The following NAALADL2 variants were observed in gnomAD, a reference collection of about 807,000 sequenced individuals.
The protein encoded by NAALADL2 is N-acetylated alpha-linked acidic dipeptidase like 2.
Under a neutral mutation model 87.2 loss-of-function variants are expected in NAALADL2, and 76 were observed. That is an observed-to-expected ratio of 0.87 (90% CI 0.72 to 1.05). The LOEUF (loss-of-function observed/expected upper bound fraction) is 1.05. NAALADL2 is among the 50% of genes least tolerant of loss of function. The probability of loss-of-function intolerance (pLI) is 0.00; values close to 1 mark genes in which losing one functional copy is unlikely to be tolerated. For missense variants in NAALADL2, 1,089 were observed against 945.8 expected (o/e 1.15, Z -1.99); for synonymous variants, 354 against 331.0 (o/e 1.07, Z -0.75).
chr3:175,148,120 TAATAAA>T (rs1731040093), intron 2 of NAALADL2, among the ~76,000 whole-genome samples: 1 of 146,034 alleles, frequency 6.8e-6, no homozygotes, highest in Non-Finnish European at 1.5e-5. Context: ...ATAATAATAA[TAATAAA>T]ATAATAATAA....
At chr3:175,731,450 C>A (rs1337927609) in intron 11 of NAALADL2, among the ~76,000 whole-genome samples, 1 of 152,088 alleles carries the variant, frequency 6.6e-6, no homozygotes, top group Non-Finnish European at 1.5e-5. Flanking sequence ...CCCCATCTAC[C>A]TGTCTCTTAG....
chr3:174,569,044 C>T (rs1714619449), intron 2 of NAALADL2, among the ~76,000 whole-genome samples: 1 of 151,130 alleles, frequency 6.6e-6, no homozygotes, highest in Admixed American at 6.6e-5. Context: ...TCTCTATGGC[C>T]TAATAATGAA....
chr3:175,611,065 A>T (rs956376622), intron 10 of NAALADL2, among the ~76,000 whole-genome samples: 14 of 152,072 alleles, frequency 9.2e-5, no homozygotes, highest in Non-Finnish European at 1.2e-4. Flanking sequence ...GCAGAGCTAG[A>T]ATTTAAACCC....
intron 5 of NAALADL2, among the ~76,000 whole-genome samples, chr3:175,356,742 A>C (rs576822063): frequency 2.6e-5 from 4 of 152,224 alleles, no homozygotes; most frequent in African/African-American, 9.6e-5. Context: ...CGAAAGGAAG[A>C]CAAGACAGTA....
At chr3:175,640,641 ACT>A (rs1448732852) in intron 11 of NAALADL2, among the ~76,000 whole-genome samples, 1 of 151,336 alleles carries the variant, frequency 6.6e-6, no homozygotes, top group Non-Finnish European at 1.5e-5. Flanking sequence ...ATATAGAAAA[ACT>A]CTTTTTATTC....
At chr3:174,548,964 C>G (rs1027772795) in intron 1 of NAALADL2, among the ~76,000 whole-genome samples, 4 of 152,164 alleles carry the variant, frequency 2.6e-5, no homozygotes, top group African/African-American at 9.6e-5. Flanking sequence ...CCTCAGCCTC[C>G]CGAGTAGCTG....
chr3:175,038,250 A>G (rs1666387121), intron 1 of NAALADL2, among the ~76,000 whole-genome samples: 1 of 152,188 alleles, frequency 6.6e-6, no homozygotes, highest in South Asian at 2.1e-4. Context: ...ATAAAACACA[A>G]AATTTTAGAG....
intron 2 of NAALADL2, among the ~76,000 whole-genome samples, chr3:175,206,365 A>G (rs1354763571): frequency 6.7e-6 from 1 of 148,876 alleles, no homozygotes; most frequent in African/African-American, 2.5e-5. Flanking sequence ...TATATACACG[A>G]TGGAATACTA....
chr3:174,565,101 C>T (rs971153392), intron 2 of NAALADL2, among the ~76,000 whole-genome samples: 10 of 151,862 alleles, frequency 6.6e-5, no homozygotes, highest in Non-Finnish European at 1.5e-4. Context: ...CCCTTGTTTG[C>T]CCTATTATTA....
chr3:174,874,560 T>G (rs1300522472), intron 1 of NAALADL2, among the ~76,000 whole-genome samples: 1 of 152,052 alleles, frequency 6.6e-6, no homozygotes, highest in African/African-American at 2.4e-5. Flanking sequence ...CCTCAAGAGA[T>G]TATACTTGGG....
intron 1 of NAALADL2, among the ~76,000 whole-genome samples, chr3:174,898,993 T>C (rs550506757): frequency 2.0e-5 from 3 of 152,146 alleles, no homozygotes; most frequent in Non-Finnish European, 2.9e-5. Context: ...CTTTTCTGTA[T>C]AGATATTATA....
intron 13 of NAALADL2, among the ~76,000 whole-genome samples, chr3:175,756,033 G>A (rs1020765248): frequency 6.6e-6 from 1 of 152,040 alleles, no homozygotes; most frequent in Non-Finnish European, 1.5e-5. Flanking sequence ...TTATATAGTA[G>A]AAGATAAATG....
At chr3:174,563,775 T>A (rs1298764626) in intron 2 of NAALADL2, among the ~76,000 whole-genome samples, 1 of 152,180 alleles carries the variant, frequency 6.6e-6, no homozygotes, top group Non-Finnish European at 1.5e-5. Flanking sequence ...TGATCTGTCT[T>A]CATATGTTTT....
At chr3:175,755,514 T>G in intron 13 of NAALADL2, 96 bp downstream of exon 13, 1 of 846,384 alleles carries the variant, frequency 1.2e-6, no homozygotes, top group Non-Finnish European at 1.7e-6. Flanking sequence ...ATAACAGTAG[T>G]GTAAAAGAAA....
At chr3:175,750,398 T>C (rs79771513) in intron 12 of NAALADL2, among the ~76,000 whole-genome samples, 15,076 of 152,056 alleles carry the variant, frequency 0.099, 789 homozygotes, top group Middle Eastern at 0.14. Context: ...CTCTCTCTCT[T>C]CTTCTCTCCC....
chr3:175,019,611 G>C (rs1751308792), intron 1 of NAALADL2, among the ~76,000 whole-genome samples: 1 of 151,902 alleles, frequency 6.6e-6, no homozygotes. Flanking sequence ...CCTAAGTTAT[G>C]AGTTTACCAG....
intron 2 of NAALADL2, among the ~76,000 whole-genome samples, chr3:175,196,525 A>G (rs1230502380): frequency 6.6e-6 from 1 of 151,856 alleles, no homozygotes; most frequent in African/African-American, 2.4e-5. Context: ...AAATTATTAA[A>G]CCATCCTTAG....
At chr3:175,771,137 C>A (rs1182397499) in intron 13 of NAALADL2, among the ~76,000 whole-genome samples, 1 of 152,020 alleles carries the variant, frequency 6.6e-6, no homozygotes, top group Non-Finnish European at 1.5e-5. Flanking sequence ...AAAATGTTTG[C>A]CCTTTTATTT....
At chr3:175,558,717 G>A (rs1715767133) in intron 9 of NAALADL2, among the ~76,000 whole-genome samples, 1 of 152,040 alleles carries the variant, frequency 6.6e-6, no homozygotes, top group South Asian at 2.1e-4. Flanking sequence ...CAACGTTGTT[G>A]AAAATGATTT....
Sources: gnomAD v4.1 joint callset for allele counts (sites outside exome capture counted in the v4.1 genomes callset) on GRCh38, gnomAD v4.1.1 for gene constraint, MANE v1.5 for transcripts, NCBI Gene and HGNC (gene_info 2026-07-23, HGNC 2026-07-21) for gene names.